KLRG1: variants seen among roughly 807,000 people sequenced by gnomAD.
KLRG1 encodes killer cell lectin like receptor G1.
In KLRG1, 16 loss-of-function variants were observed where a neutral mutation model predicts 21.8. The observed-to-expected ratio is 0.73, with a 90% CI of 0.50 to 1.11. The LOEUF is 1.11. Ranked by LOEUF, KLRG1 falls within the 50% of genes most tolerant of loss-of-function variation. The pLI is 0.00. For synonymous variants in KLRG1, 69 were observed against 75.9 expected (o/e 0.91, Z 0.47); for missense variants, 173 against 218.3 (o/e 0.79, Z 1.31).
In KLRG1 at chr12:9,004,505, GT is replaced by G. The variant is rs1947408901; in HGVS notation, c.358-4468del. On this transcript the variant is annotated intron_variant, in intron 3 of 4. Coordinates refer to ENST00000356986, the MANE Select transcript of KLRG1 (RefSeq NM_005810.4). ...TAAAAAAGAGATGGGATCTTGCTCT[GT>G]TACCCAGGCTGGAGAGCAATGGCAT... Among the ~76,000 whole-genome samples the G allele has an allele frequency of 1.2e-4, 18 of 152,270 alleles. No individual in the cohort carries two copies. The South Asian group carries it at 3.5e-3, about 30-fold the overall frequency.
the KLRG1 span, chr12:9,067,509 T>C: frequency 2.3e-6 from 1 of 427,058 alleles, no homozygotes; most frequent in Non-Finnish European, 4.4e-6. Context: ...ACTTTACACT[T>C]TCCTAGTACA....
chr12:9,097,246 A>G, the KLRG1 span, among the ~76,000 whole-genome samples: 2 of 152,150 alleles, frequency 1.3e-5, no homozygotes, highest in Non-Finnish European at 2.9e-5. Context: ...ATTTTCAGTT[A>G]AAATCCCATT....
chr12:8,967,947 G>T (rs1946505806), intron 1 of KLRG1, among the ~76,000 whole-genome samples: 1 of 149,686 alleles, frequency 6.7e-6, no homozygotes, highest in Non-Finnish European at 1.5e-5. Flanking sequence ...AGGAAGGAAG[G>T]GAGAAAAGAA....
chr12:9,095,177 GTTAAC>G, the KLRG1 span: 495 of 644,014 alleles, frequency 7.7e-4, 1 homozygote, highest in African/African-American at 3.4e-3. Context: ...AAGCAATCCA[GTTAAC>G]TTAAATTAAA....
the KLRG1 span, among the ~76,000 whole-genome samples, chr12:9,190,401 A>G: frequency 1.3e-5 from 2 of 152,210 alleles, no homozygotes; most frequent in Non-Finnish European, 2.9e-5. Context: ...TAGGAACAGA[A>G]AACCAAATAT....
chr12:9,065,449 G>A, the KLRG1 span, among the ~76,000 whole-genome samples: 2 of 152,128 alleles, frequency 1.3e-5, no homozygotes, highest in African/African-American at 2.4e-5. Flanking sequence ...AGGTCGGGCC[G>A]AGCCTGGGTA....
At chr12:9,202,428 A>T in the KLRG1 span, 1 of 1,613,354 alleles carries the variant, frequency 6.2e-7, no homozygotes, top group Non-Finnish European at 8.5e-7. Context: ...AATTTGGGTA[A>T]TAAGACAGGA....
chr12:9,000,974 T>G (rs1486308880), intron 3 of KLRG1, among the ~76,000 whole-genome samples: 1 of 152,230 alleles, frequency 6.6e-6, no homozygotes, highest in African/African-American at 2.4e-5. Flanking sequence ...CTCTAGTAAT[T>G]TGTAACCTGT....
chr12:9,078,679 A>G, the KLRG1 span, among the ~76,000 whole-genome samples: 1 of 152,216 alleles, frequency 6.6e-6, no homozygotes, highest in Non-Finnish European at 1.5e-5. Context: ...TATTTTTGTT[A>G]GTTACTTGAG....
At chr12:9,154,577 A>G in the KLRG1 span, 15 of 1,579,874 alleles carry the variant, frequency 9.5e-6, no homozygotes, top group Middle Eastern at 3.3e-4. Flanking sequence ...CCAATTGCCA[A>G]GTGAACCTGG....
chr12:9,142,302 G>C, the KLRG1 span, among the ~76,000 whole-genome samples: 1 of 152,086 alleles, frequency 6.6e-6, no homozygotes, highest in African/African-American at 2.4e-5. Flanking sequence ...CAATATTAAT[G>C]TTTCATTTAT....
chr12:8,956,682 C>T (rs1205095258), intron 1 of KLRG1, among the ~76,000 whole-genome samples: 1 of 152,118 alleles, frequency 6.6e-6, no homozygotes, highest in Non-Finnish European at 1.5e-5. Flanking sequence ...CCTGACCTCA[C>T]GTAATTCTCC....
At chr12:9,068,682 A>C in the KLRG1 span, 2 of 1,365,420 alleles carry the variant, frequency 1.5e-6, no homozygotes, top group Non-Finnish European at 2.0e-6. Context: ...CATCTCCTAA[A>C]CCTGAATTTC....
the KLRG1 span, among the ~76,000 whole-genome samples, chr12:9,125,763 C>G: frequency 6.6e-6 from 1 of 152,152 alleles, no homozygotes; most frequent in South Asian, 2.1e-4. Context: ...GAGATGGAAT[C>G]TTGCTCTAAC....
chr12:9,162,476 T>G, the KLRG1 span: 1 of 722,370 alleles, frequency 1.4e-6, no homozygotes, highest in Non-Finnish European at 2.4e-6. Context: ...ATATTTAGTA[T>G]TATGCTGACT....
chr12:9,032,100 A>G, the KLRG1 span, among the ~76,000 whole-genome samples: 4 of 152,382 alleles, frequency 2.6e-5, no homozygotes, highest in African/African-American at 7.2e-5. Context: ...AAGCTGACAC[A>G]TAAAATTAAT....
At chr12:8,976,565 G>A (rs1946660533) in intron 1 of KLRG1, among the ~76,000 whole-genome samples, 1 of 152,028 alleles carries the variant, frequency 6.6e-6, no homozygotes, top group South Asian at 2.1e-4. Context: ...GGGTAGTGAG[G>A]TCTACTAATT....
At chr12:9,033,267 T>C in the KLRG1 span, among the ~76,000 whole-genome samples, 3 of 151,828 alleles carry the variant, frequency 2.0e-5, no homozygotes. Context: ...AAAGTCATCA[T>C]CTCTAACAAA....
At chr12:9,072,245 T>C in the KLRG1 span, 1 of 1,265,958 alleles carries the variant, frequency 7.9e-7, no homozygotes, top group African/African-American at 1.5e-5. Context: ...ATACATTGCA[T>C]TTTTTGTGAA....
Sources: allele counts gnomAD v4.1 joint callset (sites outside exome capture counted in the v4.1 genomes callset), GRCh38; gene constraint gnomAD v4.1.1; transcripts MANE v1.5; gene names NCBI Gene and HGNC (gene_info 2026-07-23, HGNC 2026-07-21).